CECR2: variants seen among roughly 807,000 people sequenced by gnomAD.
The protein encoded by CECR2 is CECR2 histone acetyl-lysine reader, also known as chromatin remodeling regulator CECR2.
In CECR2, 30 loss-of-function variants were observed where a neutral mutation model predicts 154.5. That is an observed-to-expected ratio of 0.19 (90% CI 0.15 to 0.26). CECR2 has a LOEUF of 0.26. Among genes scored for constraint, CECR2 ranks in the 10% least tolerant of loss-of-function variants. CECR2 has a pLI of 1.00. For synonymous variants in CECR2, 725 were observed against 683.7 expected (o/e 1.06, Z -0.94); for missense variants, 1,743 against 1,829.3 (o/e 0.95, Z 0.86).
chr22:17,514,442 T>G (rs544034395), intron 8 of CECR2, among the ~76,000 whole-genome samples: 1 of 152,242 alleles, frequency 6.6e-6, no homozygotes, highest in South Asian at 2.1e-4. Context: ...AGCTTCTCAT[T>G]AAAAACCCCC....
chr22:17,463,735 G>A lies in CECR2; in HGVS notation c.127-13853G>A, dbSNP rs142726833. Among the ~76,000 whole-genome samples, 330 of 152,116 alleles carry A rather than the reference G, an allele frequency of 2.2e-3. 1 individual carries two copies. Among genetic ancestry groups the A allele is most frequent in the African/African-American group, 7.4e-3 (309 of 41,484 alleles). ...ACGGGCACTGGGATAAGGGGACTCCGGAGTTGAGGAGAGGTGGGGGGGTGT... is the reference window on the plus strand; with the variant it reads ...ACGGGCACTGGGATAAGGGGACTCCAGAGTTGAGGAGAGGTGGGGGGGTGT... On this transcript the variant is annotated intron_variant, in intron 1 of 18. Coordinates refer to ENST00000262608, the MANE Select transcript of CECR2 (RefSeq NM_001290047.2).
intron 6 of CECR2, 89 bp from the exon 7 acceptor site, chr22:17,504,758 C>T: frequency 4.8e-6 from 6 of 1,241,400 alleles, no homozygotes; most frequent in Non-Finnish European, 5.7e-6. Flanking sequence ...TTATTTTAGT[C>T]ATGACCCACA....
At chr22:17,399,264 C>A (rs2053857047) in intron 1 of CECR2, among the ~76,000 whole-genome samples, 1 of 152,144 alleles carries the variant, frequency 6.6e-6, no homozygotes, top group Non-Finnish European at 1.5e-5. Context: ...CTTTTTCTTT[C>A]TGTAGACCTC....
At chr22:17,422,418 C>T (rs951932588) in intron 1 of CECR2, among the ~76,000 whole-genome samples, 1 of 152,100 alleles carries the variant, frequency 6.6e-6, no homozygotes, top group Non-Finnish European at 1.5e-5. Flanking sequence ...AGGCTGATCT[C>T]GAACTCCTGA....
intron 6 of CECR2, 117 bp from the exon 7 acceptor site, chr22:17,504,730 C>T (rs536162262): frequency 1.4e-5 from 12 of 866,754 alleles, no homozygotes; most frequent in East Asian, 7.8e-5. Context: ...CTTGAGCCAC[C>T]GCGCCCGGCC....
intron 1 of CECR2, among the ~76,000 whole-genome samples, chr22:17,378,745 A>G (rs1354901683): frequency 1.3e-5 from 2 of 152,212 alleles, no homozygotes; most frequent in African/African-American, 4.8e-5. Flanking sequence ...TGTGTGAGGT[A>G]GAGATGACTT....
At chr22:17,442,798 C>T (rs1017671175) in intron 1 of CECR2, among the ~76,000 whole-genome samples, 30 of 152,244 alleles carry the variant, frequency 2.0e-4, no homozygotes, top group African/African-American at 5.8e-4. Flanking sequence ...CCACCCTCCT[C>T]GGCCTCCCAA....
At chr22:17,368,214 A>G (rs1267968659), upstream of CECR2, among the ~76,000 whole-genome samples, 1 of 152,234 alleles carries the variant, frequency 6.6e-6, no homozygotes, top group Non-Finnish European at 1.5e-5. Context: ...CAGACAGCCC[A>G]TTCCAAAATC....
intron 7 of CECR2, among the ~76,000 whole-genome samples, chr22:17,505,231 A>G (rs914641714): frequency 6.6e-6 from 1 of 151,924 alleles, no homozygotes; most frequent in Admixed American, 6.6e-5. Context: ...GAAAGTCCTC[A>G]GTGTCTACCA....
intron 8 of CECR2, among the ~76,000 whole-genome samples, chr22:17,517,633 G>A (rs924054342): frequency 2.6e-5 from 4 of 152,128 alleles, no homozygotes; most frequent in Non-Finnish European, 2.9e-5. Flanking sequence ...TTTTAATTTC[G>A]TAGGTTAATG....
intron 1 of CECR2, among the ~76,000 whole-genome samples, chr22:17,377,393 G>T (rs2063130549): frequency 6.6e-6 from 1 of 151,734 alleles, no homozygotes; most frequent in Non-Finnish European, 1.5e-5. Context: ...GAGGAATTCT[G>T]GAGGCTGAAG....
chr22:17,454,334 C>A (rs1424174617), intron 1 of CECR2, among the ~76,000 whole-genome samples: 1 of 151,422 alleles, frequency 6.6e-6, no homozygotes, highest in African/African-American at 2.4e-5. Context: ...GTGGCTCATA[C>A]CTGTAATCTC....
intron 2 of CECR2, among the ~76,000 whole-genome samples, chr22:17,491,587 G>C (rs2055532611): frequency 8.3e-6 from 1 of 120,334 alleles, no homozygotes; most frequent in Non-Finnish European, 1.7e-5. Flanking sequence ...GTGTGTGGGG[G>C]GGTGGGTGTT....
intron 1 of CECR2, among the ~76,000 whole-genome samples, chr22:17,452,750 C>G (rs1344065675): frequency 1.3e-5 from 2 of 152,086 alleles, no homozygotes; most frequent in Admixed American, 6.5e-5. Context: ...TATATACAGT[C>G]TAGAGTTCTA....
intron 9 of CECR2, among the ~76,000 whole-genome samples, chr22:17,529,905 G>T (rs971537764): frequency 7.2e-5 from 11 of 152,154 alleles, no homozygotes; most frequent in Non-Finnish European, 1.5e-4. Context: ...CAAAAAAAGA[G>T]AAATAATCAA....
chr22:17,380,064 T>C (rs2063169306), intron 1 of CECR2, among the ~76,000 whole-genome samples: 4 of 152,210 alleles, frequency 2.6e-5, no homozygotes, highest in Admixed American at 2.6e-4. Context: ...CCATTGTTTT[T>C]TTTTGTTTTC....
chr22:17,511,703 T>C, intron 7 of CECR2, 110 bp from the exon 8 acceptor site: 2 of 808,118 alleles, frequency 2.5e-6, no homozygotes, highest in Non-Finnish European at 4.1e-6. Context: ...GGCCCTAACC[T>C]GTGTGCCTCA....
intron 1 of CECR2, among the ~76,000 whole-genome samples, chr22:17,410,658 G>A (rs75167454): frequency 0.036 from 5,466 of 152,130 alleles, 107 homozygotes; most frequent in Middle Eastern, 0.048. Context: ...ATGTTGGCCA[G>A]GCTGGTCTCG....
intron 16 of CECR2, among the ~76,000 whole-genome samples, chr22:17,547,820 G>A (rs988375429): frequency 5.3e-5 from 8 of 152,028 alleles, no homozygotes; most frequent in South Asian, 2.1e-4. Context: ...TGTGTTTCAC[G>A]TGCATCTGCC....
Sources: allele counts gnomAD v4.1 joint callset (sites outside exome capture counted in the v4.1 genomes callset), GRCh38; gene constraint gnomAD v4.1.1; transcripts MANE v1.5; gene names NCBI Gene and HGNC (gene_info 2026-07-23, HGNC 2026-07-21).